The following PCNX4 variants were observed in gnomAD, a reference collection of about 807,000 sequenced individuals.
PCNX4 encodes the protein pecanex 4.
In PCNX4, 103 loss-of-function variants were observed where a neutral mutation model predicts 107.2. That is an observed-to-expected ratio of 0.96 (90% CI 0.82 to 1.13). PCNX4 has a LOEUF of 1.13. Ranked by LOEUF, PCNX4 falls within the 50% of genes most tolerant of loss-of-function variation. PCNX4 has a pLI of 0.00. For missense variants in PCNX4, 1,528 were observed against 1,379.4 expected (o/e 1.11, Z -1.71); for synonymous variants, 541 against 481.7 (o/e 1.12, Z -1.61).
chr14:60,105,420 T>A (rs1375540602), intron 1 of PCNX4, among the ~76,000 whole-genome samples: 1 of 152,248 alleles, frequency 6.6e-6, no homozygotes, highest in East Asian at 1.9e-4. Context: ...TTTGGTAATT[T>A]GAAGAGATGT....
chr14:60,100,425 A>G (rs552383759), intron 1 of PCNX4, among the ~76,000 whole-genome samples: 21 of 152,154 alleles, frequency 1.4e-4, no homozygotes, highest in African/African-American at 5.1e-4. Context: ...CAGCCTCCCA[A>G]GTAGCTGGGA....
rs750480240 is a variant in PCNX4 at position 60,115,703 on chromosome 14, T to C, written c.1358-16T>C. 1 of 1,595,868 alleles carries C rather than the reference T, an allele frequency of 6.3e-7. No individual in the cohort carries two copies. The highest frequency in any genetic ancestry group is 2.2e-5 in the East Asian group (1 of 44,708). On this transcript the variant is annotated splice_polypyrimidine_tract_variant and intron_variant, in intron 4 of 10. Coordinates refer to ENST00000406854, the MANE Select transcript of PCNX4 (RefSeq NM_001330177.2). Reference sequence around the variant, plus strand: ...TTTTGCCTTAATTAAATTTCTCTCTTTTTGTTTTGTTTTAGTATCACCTTT... The same window carrying C: ...TTTTGCCTTAATTAAATTTCTCTCTCTTTGTTTTGTTTTAGTATCACCTTT...
intron 7 of PCNX4, 26 bp downstream of exon 7, chr14:60,118,718 A>G: frequency 6.6e-6 from 10 of 1,522,836 alleles, no homozygotes; most frequent in Non-Finnish European, 8.8e-6. Context: ...GTGCTCAAGA[A>G]TTTCTCACTA....
chr14:60,094,087 A>G (rs1386972585), intron 1 of PCNX4, among the ~76,000 whole-genome samples: 1 of 152,188 alleles, frequency 6.6e-6, no homozygotes. Flanking sequence ...AGTTCTTTAT[A>G]TAGTCTAGCT....
rs188633601 is a variant in PCNX4 at position 60,103,589 on chromosome 14, C to G, written c.-53-3997C>G. On this transcript the variant is annotated intron_variant, in intron 1 of 10. Transcript: ENST00000406854. ...TTCTTAGGCTTCTTGAGGGAACATA[C>G]ATTCTCTTTGTGCTTCTTGGTCTGC... 4.6e-5 allele frequency among the ~76,000 whole-genome samples: 7 copies of G among 152,308 alleles called. No individual in the cohort carries two copies. The East Asian group carries it at 9.6e-4, about 21-fold the overall frequency.
At chr14:60,096,820 G>A (rs1332374247) in intron 1 of PCNX4, among the ~76,000 whole-genome samples, 4 of 152,200 alleles carry the variant, frequency 2.6e-5, no homozygotes, top group Non-Finnish European at 5.9e-5. Flanking sequence ...GAAGGGGTGA[G>A]CCAGATAAAT....
intron 2 of PCNX4, among the ~76,000 whole-genome samples, chr14:60,112,476 G>A (rs1895757760): frequency 6.6e-6 from 1 of 152,084 alleles, no homozygotes; most frequent in Non-Finnish European, 1.5e-5. Flanking sequence ...CCACAATAAT[G>A]ATCCATTTGG....
In PCNX4 at chr14:60,143,364, CAATA is replaced by C. The variant is rs1215008001; in HGVS notation, c.*9149_*9152del. 2 of 152,108 alleles carry C rather than the reference CAATA, an allele frequency of 1.3e-5. No homozygotes were observed. Among genetic ancestry groups the C allele is most frequent in the Non-Finnish European group, 2.9e-5 (2 of 68,014 alleles). 9.4% of individuals were successfully genotyped at this position (152,108 alleles called of 1,614,324 possible). A position where few individuals can be genotyped will look rare whatever the true frequency, so the allele number is the denominator to read the frequency against. ...ATTCTTATAATTGGTGTGTTGTATT[CAATA>C]AATAATGTTGTTATTCCAGTTTTCA... On this transcript the variant is annotated 3_prime_UTR_variant, in exon 11 of 11. Coordinates refer to ENST00000406854, the MANE Select transcript of PCNX4 (RefSeq NM_001330177.2).
intron 1 of PCNX4, among the ~76,000 whole-genome samples, chr14:60,106,748 C>A (rs1211871846): frequency 1.8e-5 from 2 of 112,040 alleles, no homozygotes; most frequent in Admixed American, 2.2e-4. Flanking sequence ...TATTTTTAAA[C>A]TGACTGGAAG....
chr14:60,124,884 T>G lies in PCNX4; in HGVS notation c.2713T>G (p.Ser905Ala). ...PYIPLMEFSC[S>A]HSHLVCLPAE... ...TATTCCTCTCATGGAGTTCAGTTGTTCACATTCTCACTTAGTATGCTTACC... is the reference window on the plus strand; with the variant it reads ...TATTCCTCTCATGGAGTTCAGTTGTGCACATTCTCACTTAGTATGCTTACC... Residue 905 changes from serine (S) to alanine (A), a missense_variant, in exon 9 of 11, where the codon TCA (serine) becomes GCA (alanine). Ser to Ala is a moderately conservative substitution (Grantham distance 99, BLOSUM62 1). Coordinates refer to ENST00000406854, the MANE Select transcript of PCNX4 (RefSeq NM_001330177.2). 1 of 1,613,836 alleles carries G rather than the reference T, an allele frequency of 6.2e-7. No homozygotes were observed. Among genetic ancestry groups the G allele is most frequent in the Non-Finnish European group, 8.5e-7 (1 of 1,179,778 alleles).
At position 60,139,923 on chromosome 14, in the gene PCNX4, G is replaced by A. The variant is rs1896287410; in HGVS notation, c.*5702G>A. On this transcript the variant is annotated 3_prime_UTR_variant, in exon 11 of 11. Coordinates refer to ENST00000406854, the MANE Select transcript of PCNX4 (RefSeq NM_001330177.2). ...TGGTAGACGCCTAAAGCCATGCTTA[G>A]AAGGAAATTTATAGTCTTAAACGCA... The A allele has an allele frequency of 6.7e-6, 1 of 150,328 alleles. No homozygotes were observed. The highest frequency in any genetic ancestry group is 2.1e-4 in the South Asian group (1 of 4,746). The allele number at this position is 150,328 out of a possible 1,614,324, so 9.3% of individuals were successfully genotyped here. A position where few individuals can be genotyped will look rare whatever the true frequency, so the allele number is the denominator to read the frequency against.
intron 1 of PCNX4, among the ~76,000 whole-genome samples, chr14:60,094,183 T>G (rs1189307916): frequency 6.6e-6 from 1 of 152,176 alleles, no homozygotes; most frequent in African/African-American, 2.4e-5. Flanking sequence ...AACCTTGTTT[T>G]TTAAACAGTT....
chr14:60,106,389 A>C (rs1895629785), intron 1 of PCNX4, among the ~76,000 whole-genome samples: 1 of 152,188 alleles, frequency 6.6e-6, no homozygotes, highest in Non-Finnish European at 1.5e-5. Flanking sequence ...GGGAATAATA[A>C]TGGGAAAAAA....
At chr14:60,103,004 C>G (rs1895561576) in intron 1 of PCNX4, among the ~76,000 whole-genome samples, 1 of 152,112 alleles carries the variant, frequency 6.6e-6, no homozygotes, top group Non-Finnish European at 1.5e-5. Context: ...CTTTATACTT[C>G]CTTAATGAGT....
chr14:60,119,760 A>C (rs1895920649), intron 7 of PCNX4, among the ~76,000 whole-genome samples: 1 of 152,202 alleles, frequency 6.6e-6, no homozygotes. Flanking sequence ...CTCAACCAAG[A>C]ATTGCGTTAT....
At position 60,135,473 on chromosome 14, in the gene PCNX4, T is replaced by TG. The variant is rs950017381; in HGVS notation, c.*1253dup. On this transcript the variant is annotated 3_prime_UTR_variant, in exon 11 of 11. Coordinates refer to ENST00000406854, the MANE Select transcript of PCNX4 (RefSeq NM_001330177.2). ...AGACTTATGATTTAATTTACATGAT[T>TG]GAGATTTGCTAGCTGTACACCTTTA... 6.6e-6 allele frequency: 1 copy of TG among 152,222 alleles called. No individual in the cohort carries two copies. Among genetic ancestry groups the TG allele is most frequent in the Admixed American group, 6.5e-5 (1 of 15,286 alleles). 9.4% of individuals were successfully genotyped at this position (152,222 alleles called of 1,614,324 possible). A position where few individuals can be genotyped will look rare whatever the true frequency, so the allele number is the denominator to read the frequency against.
At position 60,141,722 on chromosome 14, in the gene PCNX4, G is replaced by A. The variant is rs1028101312; in HGVS notation, c.*7501G>A. 2.0e-5 allele frequency: 3 copies of A among 151,976 alleles called. No homozygotes were observed. Among genetic ancestry groups the A allele is most frequent in the Non-Finnish European group, 4.4e-5 (3 of 67,994 alleles). 9.4% of individuals were successfully genotyped at this position (151,976 alleles called of 1,614,324 possible). A position where few individuals can be genotyped will look rare whatever the true frequency, so the allele number is the denominator to read the frequency against. The stretch of plus-strand genomic sequence containing the variant: ...TATCAATCATTCATTATTTTTTATC[G>A]CTGAGTAGTGCTGCATGGTATAGAA... On this transcript the variant is annotated 3_prime_UTR_variant, in exon 11 of 11. Coordinates refer to ENST00000406854, the MANE Select transcript of PCNX4 (RefSeq NM_001330177.2).
chr14:60,106,085 G>C (rs1895623176), intron 1 of PCNX4, among the ~76,000 whole-genome samples: 2 of 152,096 alleles, frequency 1.3e-5, no homozygotes, highest in Admixed American at 6.5e-5. Context: ...GTACGGAGGG[G>C]AAGGAGGCAC....
intron 1 of PCNX4, among the ~76,000 whole-genome samples, chr14:60,107,199 T>G (rs1033497170): frequency 3.9e-5 from 6 of 152,056 alleles, no homozygotes; most frequent in Non-Finnish European, 8.8e-5. Context: ...CTGGATAATA[T>G]GGCAAAACCC....
Sources: gnomAD v4.1 joint callset for allele counts (sites outside exome capture counted in the v4.1 genomes callset) on GRCh38, gnomAD v4.1.1 for gene constraint, MANE v1.5 for transcripts, NCBI Gene and HGNC (gene_info 2026-07-23, HGNC 2026-07-21) for gene names.